Variants in FSTL4 observed in about 807,000 individuals in gnomAD.
FSTL4 encodes the protein follistatin-related protein 4.
A neutral mutation model predicts 78.2 loss-of-function variants in FSTL4; 28 were observed. That is an observed-to-expected ratio of 0.36 (90% CI 0.27 to 0.49). The LOEUF is 0.49. Among genes scored for constraint, FSTL4 ranks in the 20% least tolerant of loss-of-function variants. FSTL4 has a pLI of 0.98. For missense variants in FSTL4, 922 were observed against 1,084.9 expected, an observed-to-expected ratio of 0.85 and a Z score of 2.11; for synonymous variants, 422 against 440.5, an observed-to-expected ratio of 0.96 and a Z score of 0.53.
intron 3 of FSTL4, among the ~76,000 whole-genome samples, chr5:133,436,432 G>A (rs896451309): frequency 6.6e-6 from 1 of 152,152 alleles, no homozygotes; most frequent in African/African-American, 2.4e-5. Flanking sequence ...GGAGAACAAA[G>A]AGAACATGGT....
the FSTL4 span, among the ~76,000 whole-genome samples, chr5:133,674,157 G>A: frequency 1.3e-5 from 2 of 152,108 alleles, no homozygotes; most frequent in Non-Finnish European, 2.9e-5. Context: ...CACCAGCGAA[G>A]GGCTCCCCAC....
At chr5:133,445,219 G>A (rs1757238313) in intron 3 of FSTL4, among the ~76,000 whole-genome samples, 1 of 152,240 alleles carries the variant, frequency 6.6e-6, no homozygotes, top group Admixed American at 6.5e-5. Context: ...AAGCAGAGGG[G>A]CAGCTTCCAG....
At chr5:133,261,258 TC>T (rs1408603489) in intron 6 of FSTL4, among the ~76,000 whole-genome samples, 1 of 152,138 alleles carries the variant, frequency 6.6e-6, no homozygotes, top group East Asian at 1.9e-4. Flanking sequence ...TTTTCTGCAG[TC>T]CTCAGAACGC....
At chr5:133,413,733 G>T (rs1031083918) in intron 3 of FSTL4, among the ~76,000 whole-genome samples, 2 of 151,538 alleles carry the variant, frequency 1.3e-5, no homozygotes, top group African/African-American at 2.4e-5. Flanking sequence ...CCCATCTTTG[G>T]TTTTTCTATG....
chr5:133,690,886 C>A, the FSTL4 span, among the ~76,000 whole-genome samples: 1 of 152,188 alleles, frequency 6.6e-6, no homozygotes, highest in Non-Finnish European at 1.5e-5. Context: ...TCAGAAAGAA[C>A]AAGCCCTCCT....
chr5:133,681,766 C>A, the FSTL4 span, among the ~76,000 whole-genome samples: 1 of 152,192 alleles, frequency 6.6e-6, no homozygotes, highest in South Asian at 2.1e-4. Flanking sequence ...AATGACCCAT[C>A]ATCAGAGCAG....
intron 3 of FSTL4, among the ~76,000 whole-genome samples, chr5:133,432,585 C>A (rs1455118683): frequency 6.6e-6 from 1 of 152,166 alleles, no homozygotes; most frequent in Non-Finnish European, 1.5e-5. Context: ...ATTACTTCTC[C>A]TTTAACTTAT....
At chr5:133,817,617 TAGA>T in the FSTL4 span, among the ~76,000 whole-genome samples, 1 of 152,076 alleles carries the variant, frequency 6.6e-6, no homozygotes, top group African/African-American at 2.4e-5. Context: ...GAGACACCCC[TAGA>T]AGAAGAAGAC....
intron 3 of FSTL4, among the ~76,000 whole-genome samples, chr5:133,405,104 C>T (rs1756326024): frequency 6.6e-6 from 1 of 152,224 alleles, no homozygotes; most frequent in African/African-American, 2.4e-5. Context: ...GCCTTGGGAG[C>T]TCCCTGCTCC....
At chr5:133,510,430 G>C (rs893209142) in intron 3 of FSTL4, among the ~76,000 whole-genome samples, 8 of 152,166 alleles carry the variant, frequency 5.3e-5, no homozygotes, top group African/African-American at 1.9e-4. Context: ...GATATTCCCA[G>C]GTTGGGCTAA....
intron 4 of FSTL4, among the ~76,000 whole-genome samples, chr5:133,325,967 A>G (rs1017013335): frequency 3.9e-5 from 6 of 152,224 alleles, no homozygotes; most frequent in African/African-American, 1.4e-4. Context: ...ACCTGGCTTA[A>G]TTGTCTGGCA....
intron 2 of FSTL4, among the ~76,000 whole-genome samples, chr5:133,579,742 G>A (rs375666668): frequency 6.6e-6 from 1 of 152,182 alleles, no homozygotes; most frequent in East Asian, 1.9e-4. Context: ...AATAACCTGT[G>A]CCTAGAAAAT....
At chr5:133,526,074 A>T (rs529729661) in intron 3 of FSTL4, among the ~76,000 whole-genome samples, 1 of 152,214 alleles carries the variant, frequency 6.6e-6, no homozygotes, top group African/African-American at 2.4e-5. Flanking sequence ...GGAAAGCACG[A>T]CTTTAACAGA....
intron 4 of FSTL4, among the ~76,000 whole-genome samples, chr5:133,354,867 A>G (rs368048518): frequency 1.3e-5 from 2 of 152,232 alleles, no homozygotes; most frequent in East Asian, 3.8e-4. Context: ...GATGACAGTA[A>G]TGTACATGCA....
intron 6 of FSTL4, among the ~76,000 whole-genome samples, chr5:133,282,485 A>G (rs1236927332): frequency 6.6e-6 from 1 of 152,196 alleles, no homozygotes; most frequent in Non-Finnish European, 1.5e-5. Context: ...GAAATATGTA[A>G]TTGGAAAACT....
At chr5:133,695,756 C>A in the FSTL4 span, among the ~76,000 whole-genome samples, 1 of 152,118 alleles carries the variant, frequency 6.6e-6, no homozygotes, top group South Asian at 2.1e-4. Flanking sequence ...CAGCTAGAGA[C>A]CAAAGGCAAC....
chr5:133,815,749 G>A, the FSTL4 span, among the ~76,000 whole-genome samples: 1 of 152,108 alleles, frequency 6.6e-6, no homozygotes, highest in African/African-American at 2.4e-5. Context: ...GAAAATGTTT[G>A]GTGTATAGTT....
intron 3 of FSTL4, among the ~76,000 whole-genome samples, chr5:133,558,296 T>TCCCAGATA (rs1409176512): frequency 1.3e-5 from 2 of 151,968 alleles, no homozygotes; most frequent in African/African-American, 4.8e-5. Context: ...CAAACTAGAG[T>TCCCAGATA]CCCAGATATT....
At chr5:133,689,086 C>T in the FSTL4 span, among the ~76,000 whole-genome samples, 4 of 152,190 alleles carry the variant, frequency 2.6e-5, no homozygotes, top group Non-Finnish European at 2.9e-5. Flanking sequence ...CTGCCCTCCC[C>T]GTGGTCCTCA....
Sources: allele counts gnomAD v4.1 joint callset (sites outside exome capture counted in the v4.1 genomes callset), GRCh38; gene constraint gnomAD v4.1.1; transcripts MANE v1.5; gene names NCBI Gene and HGNC (gene_info 2026-07-23, HGNC 2026-07-21).